The following LINGO2 variants were observed in gnomAD, a reference collection of about 807,000 sequenced individuals.
LINGO2 encodes the protein leucine rich repeat and Ig domain containing 2.
A neutral mutation model predicts 30.6 loss-of-function variants in LINGO2; 14 were observed. That is an observed-to-expected ratio of 0.46 (90% confidence interval 0.30 to 0.72). The LOEUF is 0.72. Ranked by LOEUF, LINGO2 falls within the 30% of genes least tolerant of loss-of-function variation. The pLI, the probability that LINGO2 is intolerant of heterozygous loss-of-function variation, is 0.07. For synonymous variants in LINGO2, 317 were observed against 288.5 expected (o/e 1.10, Z -1.00); for missense variants, 729 against 751.7 (o/e 0.97, Z 0.35).
At chr9:28,235,624 A>G (rs1821535283) in intron 4 of LINGO2, among the ~76,000 whole-genome samples, 1 of 152,200 alleles carries the variant, frequency 6.6e-6, no homozygotes, top group Non-Finnish European at 1.5e-5. Context: ...GAATTCTACC[A>G]GATAAATTTA....
At chr9:28,326,188 G>A (rs1045981777) in intron 3 of LINGO2, among the ~76,000 whole-genome samples, 4 of 152,058 alleles carry the variant, frequency 2.6e-5, no homozygotes, top group African/African-American at 9.7e-5. Flanking sequence ...TGTATTTTTA[G>A]CAGAGATGGG....
chr9:28,216,863 T>A (rs1044529480), intron 4 of LINGO2, among the ~76,000 whole-genome samples: 4 of 151,810 alleles, frequency 2.6e-5, no homozygotes, highest in African/African-American at 9.7e-5. Context: ...TCCCATCATA[T>A]AAAAGAAAAA....
intron 2 of LINGO2, among the ~76,000 whole-genome samples, chr9:28,454,536 G>A (rs186090199): frequency 5.3e-4 from 80 of 152,004 alleles, no homozygotes; most frequent in African/African-American, 1.9e-3. Context: ...AGTCTCAAAT[G>A]TTGCATTTAA....
intron 3 of LINGO2, among the ~76,000 whole-genome samples, chr9:28,347,084 A>T (rs985081164): frequency 6.6e-6 from 1 of 152,156 alleles, no homozygotes; most frequent in African/African-American, 2.4e-5. Context: ...CAGATACAAA[A>T]TATGTTTTAT....
intron 4 of LINGO2, among the ~76,000 whole-genome samples, chr9:28,089,275 C>T (rs567534122): frequency 2.3e-4 from 35 of 152,282 alleles, no homozygotes; most frequent in African/African-American, 7.9e-4. Flanking sequence ...CTTCTCAGCA[C>T]CACATCACAC....
At chr9:28,033,758 G>C (rs1354770409) in intron 4 of LINGO2, among the ~76,000 whole-genome samples, 7 of 152,134 alleles carry the variant, frequency 4.6e-5, no homozygotes, top group African/African-American at 1.7e-4. Flanking sequence ...AGTATAACCA[G>C]GATAATCTGC....
chr9:28,902,608 A>G, the LINGO2 span, among the ~76,000 whole-genome samples: 444 of 152,278 alleles, frequency 2.9e-3, 3 homozygotes, highest in African/African-American at 0.01. Context: ...AACACAGAAC[A>G]TTCTTCAGCA....
At chr9:29,123,344 T>C in the LINGO2 span, among the ~76,000 whole-genome samples, 2 of 151,880 alleles carry the variant, frequency 1.3e-5, no homozygotes, top group African/African-American at 2.4e-5. Flanking sequence ...CATAGGAACA[T>C]GTATAGACAA....
At chr9:28,127,283 C>A (rs551820126) in intron 4 of LINGO2, among the ~76,000 whole-genome samples, 3 of 152,090 alleles carry the variant, frequency 2.0e-5, no homozygotes, top group Admixed American at 6.6e-5. Flanking sequence ...CCTTCGGGGC[C>A]TTGGAGTGTT....
chr9:27,957,908 TAAAG>T (rs1468825334), intron 5 of LINGO2, among the ~76,000 whole-genome samples: 1 of 152,126 alleles, frequency 6.6e-6, no homozygotes, highest in African/African-American at 2.4e-5. Context: ...CATCTAGAAA[TAAAG>T]ACAGTTTCAT....
the LINGO2 span, among the ~76,000 whole-genome samples, chr9:28,707,474 C>A: frequency 6.6e-6 from 1 of 152,118 alleles, no homozygotes; most frequent in Non-Finnish European, 1.5e-5. Context: ...TTTATATATT[C>A]TTTTCCATCT....
intron 2 of LINGO2, among the ~76,000 whole-genome samples, chr9:28,459,513 T>C (rs1486195083): frequency 6.6e-6 from 1 of 151,992 alleles, no homozygotes; most frequent in Non-Finnish European, 1.5e-5. Flanking sequence ...AAAAAAAGTC[T>C]ATTTTCCTCA....
At chr9:28,430,783 T>C (rs1434645604) in intron 2 of LINGO2, among the ~76,000 whole-genome samples, 1 of 152,126 alleles carries the variant, frequency 6.6e-6, no homozygotes, top group Non-Finnish European at 1.5e-5. Context: ...AGCTCAGGGC[T>C]GGCTCAGCTG....
downstream of LINGO2, among the ~76,000 whole-genome samples, chr9:27,947,806 T>C (rs1823425911): frequency 6.6e-6 from 1 of 152,248 alleles, no homozygotes; most frequent in Admixed American, 6.5e-5. Context: ...AGAGAGCTTT[T>C]GAACATCTGA....
At chr9:28,895,082 C>T in the LINGO2 span, among the ~76,000 whole-genome samples, 3 of 152,058 alleles carry the variant, frequency 2.0e-5, no homozygotes, top group Admixed American at 1.3e-4. Flanking sequence ...CTGCACCTGT[C>T]CCAAAGCCTT....
intron 2 of LINGO2, among the ~76,000 whole-genome samples, chr9:28,466,424 C>T (rs181443448): frequency 6.6e-6 from 1 of 151,930 alleles, no homozygotes; most frequent in Non-Finnish European, 1.5e-5. Flanking sequence ...TAAAATAGTT[C>T]ATGAGACAGA....
intron 1 of LINGO2, among the ~76,000 whole-genome samples, chr9:28,619,553 C>T (rs558988982): frequency 2.6e-5 from 4 of 152,236 alleles, no homozygotes; most frequent in African/African-American, 7.2e-5. Context: ...ATTAATAGTA[C>T]ATTTTCTCCA....
At chr9:28,881,646 CTTTTA>C in the LINGO2 span, among the ~76,000 whole-genome samples, 2 of 145,190 alleles carry the variant, frequency 1.4e-5, no homozygotes, top group African/African-American at 5.1e-5. Flanking sequence ...TTTTTTCCAA[CTTTTA>C]TTTTAAGTTC....
At chr9:29,055,155 G>A in the LINGO2 span, among the ~76,000 whole-genome samples, 2 of 152,064 alleles carry the variant, frequency 1.3e-5, no homozygotes, top group African/African-American at 2.4e-5. Context: ...GGAGGCAGAC[G>A]TTGCAGTGAG....
Sources: gnomAD v4.1 joint callset for allele counts (sites outside exome capture counted in the v4.1 genomes callset) on GRCh38, gnomAD v4.1.1 for gene constraint, MANE v1.5 for transcripts, NCBI Gene and HGNC (gene_info 2026-07-23, HGNC 2026-07-21) for gene names.